ABR: variants seen among roughly 807,000 people sequenced by gnomAD.
ABR encodes the protein ABR activator of RhoGEF and GTPase.
Under a neutral mutation model 107.2 loss-of-function variants are expected in ABR, and 35 were observed. The ratio of observed to expected loss-of-function variants is 0.33; its 90% CI spans 0.25 to 0.43. The LOEUF (loss-of-function observed/expected upper bound fraction) is 0.43, where lower values mean the gene tolerates loss of function less well. ABR is among the 20% of genes least tolerant of loss of function. ABR has a pLI of 1.00. For missense variants in ABR, 815 were observed against 1,115.2 expected (o/e 0.73, Z 3.83); for synonymous variants, 498 against 462.0 (o/e 1.08, Z -1.00).
At chr17:1,141,598 C>T (rs1471270669) in intron 1 of ABR, among the ~76,000 whole-genome samples, 4 of 152,172 alleles carry the variant, frequency 2.6e-5, no homozygotes, top group Admixed American at 2.6e-4. Context: ...TGCTCTCCTT[C>T]CTGAGTACCA....
chr17:1,083,823 A>G (rs1202180801), intron 4 of ABR, 196 bp from the exon 5 acceptor site: 1 of 568,160 alleles, frequency 1.8e-6, no homozygotes, highest in Non-Finnish European at 3.2e-6. Flanking sequence ...CATGGAAACC[A>G]GCTCAGCCAA....
intron 1 of ABR, among the ~76,000 whole-genome samples, chr17:1,153,476 C>T (rs2040893514): frequency 7.7e-6 from 1 of 129,734 alleles, no homozygotes; most frequent in Non-Finnish European, 1.6e-5. Context: ...GGCTGGGGGT[C>T]CAGGCACACC....
intron 16 of ABR, among the ~76,000 whole-genome samples, chr17:1,026,699 G>A (rs1471408594): frequency 1.3e-5 from 2 of 152,190 alleles, no homozygotes; most frequent in African/African-American, 4.8e-5. Flanking sequence ...GCAGGGGACT[G>A]TCTGTTCCTC....
At chr17:1,129,636 A>G (rs2039741624) in intron 1 of ABR, among the ~76,000 whole-genome samples, 1 of 152,202 alleles carries the variant, frequency 6.6e-6, no homozygotes, top group East Asian at 1.9e-4. Context: ...ACTCTCTGCA[A>G]CTTACTCCGA....
chr17:1,004,421 CTTCT>C lies in ABR; in HGVS notation c.*1655_*1658del, dbSNP rs1170127739. 1 of 152,620 alleles carries C rather than the reference CTTCT, an allele frequency of 6.6e-6. No homozygotes were observed. The highest frequency in any genetic ancestry group is 1.5e-5 in the Non-Finnish European group (1 of 68,106). 9.5% of individuals were successfully genotyped at this position (152,620 alleles called of 1,614,324 possible). On this transcript the variant is annotated 3_prime_UTR_variant, in exon 23 of 23. Coordinates refer to ENST00000302538, the MANE Select transcript of ABR (RefSeq NM_021962.5). ...GCTGCAGCGTTAGGGCCGGCAAACC[CTTCT>C]TTAAGACTCAGCCCTGAGCACAAGC...
At chr17:1,173,073 CCTCAGTCCACCCCCCCCATCAT>C (rs1311613483) in intron 1 of ABR, among the ~76,000 whole-genome samples, 46 of 108,282 alleles carry the variant, frequency 4.2e-4, no homozygotes, top group Non-Finnish European at 6.6e-4. Context: ...CAACACATCA[CCTCAGTCCACCCCCCCCATCAT>C]CTCAGCCCAC....
At chr17:1,185,530 A>G (rs2042259658) in intron 1 of ABR, among the ~76,000 whole-genome samples, 1 of 151,770 alleles carries the variant, frequency 6.6e-6, no homozygotes, top group East Asian at 2.0e-4. Flanking sequence ...CTGTAATCCC[A>G]GCTACTCGGG....
intron 16 of ABR, among the ~76,000 whole-genome samples, chr17:1,018,199 C>T (rs998992958): frequency 1.7e-4 from 26 of 152,112 alleles, no homozygotes; most frequent in African/African-American, 4.6e-4. Flanking sequence ...CCCGCCACCA[C>T]CCCCGGCTAA....
intron 1 of ABR, among the ~76,000 whole-genome samples, chr17:1,167,536 G>T (rs2041560756): frequency 6.6e-6 from 1 of 152,128 alleles, no homozygotes; most frequent in African/African-American, 2.4e-5. Context: ...ACATGCAGAG[G>T]CCTGGGCCCC....
chr17:1,117,539 C>G lies in ABR; in HGVS notation c.246+7644G>C, dbSNP rs1288304873. 6.2e-4 allele frequency among the ~76,000 whole-genome samples: 9 copies of G among 14,566 alleles called. 2 individuals are homozygous for G. The highest frequency in any genetic ancestry group is 2.0e-3 in the African/African-American group (8 of 3,936). 9.6% of individuals were successfully genotyped at this position (14,566 alleles called of 152,430 possible). ...GCCGGAGTTCCTCCCAGCATTATCC[C>G]TGAACCCGAGTTCCTCCCAGCGTTA... On this transcript the variant is annotated intron_variant, in intron 2 of 22. Coordinates refer to ENST00000302538, the MANE Select transcript of ABR (RefSeq NM_021962.5).
rs1441597956 is a variant in ABR at position 1,071,931 on chromosome 17, T to C, written c.894+683A>G. Among the ~76,000 whole-genome samples the C allele has an allele frequency of 6.6e-6, 1 of 152,136 alleles. No homozygotes were observed. Among genetic ancestry groups the C allele is most frequent in the African/African-American group, 2.4e-5 (1 of 41,418 alleles). ...TGTTATTATTATTTCTGAGATGGAG[T>C]CTCACTCTGTCACCCAGGCTGGAGT... On this transcript the variant is annotated intron_variant, in intron 8 of 22. Transcript: ENST00000302538. This position sits in a 1 kb window ranked among gnomAD's most constrained non-coding sequence, Gnocchi z 5.1.
At chr17:1,153,449 AGGCACACCTGC>A (rs2040891058) in intron 1 of ABR, among the ~76,000 whole-genome samples, 1 of 133,804 alleles carries the variant, frequency 7.5e-6, no homozygotes, top group African/African-American at 2.9e-5. Context: ...CTGGGGGTCC[AGGCACACCTGC>A]GGGAGGGCTG....
chr17:1,080,667 G>T, intron 5 of ABR, among the ~76,000 whole-genome samples: 1 of 149,402 alleles, frequency 6.7e-6, no homozygotes, highest in South Asian at 2.1e-4. Context: ...GGGAGGAAGC[G>T]CTCAGACAGC....
At chr17:1,026,130 CT>C (rs1314045400) in intron 16 of ABR, among the ~76,000 whole-genome samples, 1 of 152,240 alleles carries the variant, frequency 6.6e-6, no homozygotes, top group Non-Finnish European at 1.5e-5. Context: ...ATCACATGAA[CT>C]GGATTCCAGG....
At position 1,148,485 on chromosome 17, in the gene ABR, G is replaced by C. The variant is rs1008243075; in HGVS notation, c.62-23118C>G. Among the ~76,000 whole-genome samples the C allele has an allele frequency of 2.6e-5, 4 of 152,198 alleles. No individual in the cohort carries two copies. Among genetic ancestry groups the C allele is most frequent in the African/African-American group, 9.7e-5 (4 of 41,450 alleles). ...AATACAGGGGTCCCCAGCCCCCCCG[G>C]GCATGGACCGGCACCAGTCCGTGGC... On this transcript the variant is annotated intron_variant, in intron 1 of 22. Transcript: ENST00000302538. This position sits in a 1 kb window ranked among gnomAD's most constrained non-coding sequence, Gnocchi z 4.9.
Position 1,050,221 on chromosome 17 carries a change from C to T in ABR, c.1660-40G>A, listed in dbSNP as rs533615759. ...GACAAAGGGCCCTGAACCTCCGAAG[C>T]TGGGAGGCCTGGCTTTCCGGCAGGT... On this transcript the variant is annotated intron_variant, in intron 15 of 22. Transcript: ENST00000302538. This position sits in a 1 kb window ranked among gnomAD's most constrained non-coding sequence, Gnocchi z 4.6. The T allele has an allele frequency of 3.2e-6, 5 of 1,585,430 alleles. No homozygotes were observed. In the African/African-American group the frequency reaches 5.4e-5, roughly 17 times the overall value.
intron 16 of ABR, among the ~76,000 whole-genome samples, chr17:1,043,342 T>A (rs1306947921): frequency 6.6e-6 from 1 of 152,084 alleles, no homozygotes; most frequent in Non-Finnish European, 1.5e-5. Flanking sequence ...TAATTTTTTT[T>A]AATCTTTGTA....
intron 1 of ABR, among the ~76,000 whole-genome samples, chr17:1,185,654 T>TAAAAAAAAAA (rs775804045): frequency 2.4e-3 from 95 of 39,350 alleles, no homozygotes; most frequent in African/African-American, 8.7e-3. Context: ...CAGAAAGAAA[T>TAAAAAAAAAA]AAAAAAAAAA....
rs1202644098 is a variant in ABR at position 1,100,858 on chromosome 17, C to G, written c.247-123G>C. ...TTTTTTTTTGAGACGAAGTCTCGCT[C>G]TGTCACCTAGGCTGAAGTAAAGTGG... On this transcript the variant is annotated intron_variant, in intron 2 of 22. Coordinates refer to ENST00000302538, the MANE Select transcript of ABR (RefSeq NM_021962.5). The G allele has an allele frequency of 7.6e-6, 7 of 919,362 alleles. No individual in the cohort carries two copies. In the African/African-American group the frequency reaches 9.9e-5, roughly 13 times the overall value. The allele number at this position is 919,362 out of a possible 1,614,324, so 57.0% of individuals were successfully genotyped here.
Sources: allele counts gnomAD v4.1 joint callset (sites outside exome capture counted in the v4.1 genomes callset), GRCh38; gene constraint gnomAD v4.1.1; non-coding constraint Gnocchi (gnomAD v3.1); transcripts MANE v1.5; gene names NCBI Gene and HGNC (gene_info 2026-07-23, HGNC 2026-07-21).